MACROD2: variants seen among roughly 807,000 people sequenced by gnomAD.
The protein encoded by MACROD2 is mono-ADP ribosylhydrolase 2.
Under a neutral mutation model 70.4 loss-of-function variants are expected in MACROD2, and 36 were observed. That is an observed-to-expected ratio of 0.51 (90% CI 0.39 to 0.68). The LOEUF is 0.68. Ranked by LOEUF, MACROD2 falls within the 30% of genes least tolerant of loss-of-function variation. The pLI is 0.00. For synonymous variants in MACROD2, 172 were observed against 178.8 expected (o/e 0.96, Z 0.30); for missense variants, 496 against 538.4 (o/e 0.92, Z 0.78).
intron 4 of MACROD2, among the ~76,000 whole-genome samples, chr20:14,531,994 C>T (rs1056216486): frequency 7.2e-5 from 11 of 152,168 alleles, no homozygotes; most frequent in African/African-American, 2.7e-4. Flanking sequence ...TGTGTGGACA[C>T]ATTCCAATGA....
chr20:14,419,334 G>A (rs2083849222), intron 3 of MACROD2, among the ~76,000 whole-genome samples: 2 of 152,286 alleles, frequency 1.3e-5, no homozygotes, highest in South Asian at 2.1e-4. Context: ...GATTACAGGC[G>A]TGATCCACTA....
chr20:14,735,050 G>A (rs957775366), intron 5 of MACROD2, among the ~76,000 whole-genome samples: 3 of 152,100 alleles, frequency 2.0e-5, no homozygotes, highest in African/African-American at 7.2e-5. Flanking sequence ...AAAAATAGGA[G>A]TAAGTCTTCA....
intron 5 of MACROD2, among the ~76,000 whole-genome samples, chr20:14,769,577 T>C (rs565460269): frequency 1.1e-4 from 17 of 152,234 alleles, no homozygotes; most frequent in Admixed American, 3.9e-4. Flanking sequence ...TATCAAGTCC[T>C]TTACTGGGTT....
chr20:14,209,050 G>A (rs1208120058), intron 3 of MACROD2, among the ~76,000 whole-genome samples: 1 of 152,210 alleles, frequency 6.6e-6, no homozygotes, highest in Non-Finnish European at 1.5e-5. Flanking sequence ...TGGAGGAATT[G>A]AGTAAGGATT....
At chr20:14,604,806 C>A (rs1982702478) in intron 4 of MACROD2, among the ~76,000 whole-genome samples, 1 of 152,102 alleles carries the variant, frequency 6.6e-6, no homozygotes, top group African/African-American at 2.4e-5. Flanking sequence ...CTTCCAAATT[C>A]TTTTTCTCGC....
At position 14,232,556 on chromosome 20, in the gene MACROD2, A is replaced by G. The variant is rs115679181; in HGVS notation, c.271+146828A>G. On this transcript the variant is annotated intron_variant, in intron 3 of 17. Transcript: ENST00000684519. ...GAGATGGCTTCTTTCCTTAAACCTCAGGAACCTACCTCCGCTAGCTCCCAG... is the reference window on the plus strand; with the variant it reads ...GAGATGGCTTCTTTCCTTAAACCTCGGGAACCTACCTCCGCTAGCTCCCAG... Among the ~76,000 whole-genome samples the G allele has an allele frequency of 9.8e-3, 1,489 of 152,336 alleles. 23 individuals are homozygous for G. Among genetic ancestry groups the G allele is most frequent in the African/African-American group, 0.034 (1,419 of 41,582 alleles).
At chr20:14,471,770 A>T (rs775417412) in intron 3 of MACROD2, among the ~76,000 whole-genome samples, 1 of 152,132 alleles carries the variant, frequency 6.6e-6, no homozygotes. Context: ...ATAGGAAACT[A>T]CCTTTAGGGG....
chr20:15,415,751 CT>C (rs1191376451), intron 6 of MACROD2, among the ~76,000 whole-genome samples: 4 of 152,202 alleles, frequency 2.6e-5, no homozygotes, highest in African/African-American at 9.7e-5. Flanking sequence ...TCCATTCCTC[CT>C]TCCATCTTTT....
At position 14,767,020 on chromosome 20, in the gene MACROD2, G is replaced by A. The variant is rs111721794; in HGVS notation, c.418+82061G>A. 7.0e-3 allele frequency among the ~76,000 whole-genome samples: 1,070 copies of A among 152,110 alleles called. 17 individuals carry two copies. Among genetic ancestry groups the A allele is most frequent in the African/African-American group, 0.024 (1,004 of 41,454 alleles). On this transcript the variant is annotated intron_variant, in intron 5 of 17. Transcript: ENST00000684519. Reference sequence around the variant, plus strand: ...TGGTTGGTCACACAGTTAGATGTGCGAACAAACATTCTCGTATAAGAGCAA... The same window carrying A: ...TGGTTGGTCACACAGTTAGATGTGCAAACAAACATTCTCGTATAAGAGCAA...
At chr20:15,575,179 TA>T (rs1311287143) in intron 8 of MACROD2, among the ~76,000 whole-genome samples, 1 of 152,216 alleles carries the variant, frequency 6.6e-6, no homozygotes, top group Admixed American at 6.5e-5. Context: ...TGTTTTGTTA[TA>T]TTTTTTTCTT....
chr20:15,264,624 T>A (rs1214429408), intron 6 of MACROD2, among the ~76,000 whole-genome samples: 2 of 152,130 alleles, frequency 1.3e-5, no homozygotes, highest in Non-Finnish European at 2.9e-5. Flanking sequence ...ACAAAGGATG[T>A]CTTATTCTGC....
intron 3 of MACROD2, among the ~76,000 whole-genome samples, chr20:14,267,688 C>A (rs1440210215): frequency 6.6e-6 from 1 of 152,014 alleles, no homozygotes; most frequent in African/African-American, 2.4e-5. Flanking sequence ...CTGATTATTG[C>A]TAAAAATGTT....
intron 8 of MACROD2, chr20:15,619,610 CCT>C: frequency 2.2e-6 from 1 of 452,510 alleles, no homozygotes; most frequent in Non-Finnish European, 4.0e-6. Flanking sequence ...TGCTTATTCT[CCT>C]ATTTGGCTTT....
chr20:14,630,323 G>T (rs1283327830), intron 4 of MACROD2, among the ~76,000 whole-genome samples: 1 of 152,148 alleles, frequency 6.6e-6, no homozygotes. Context: ...CATCTACACC[G>T]ATTTCTATAA....
intron 3 of MACROD2, among the ~76,000 whole-genome samples, chr20:14,172,764 T>C (rs2081233335): frequency 6.6e-6 from 1 of 152,206 alleles, no homozygotes; most frequent in Non-Finnish European, 1.5e-5. Flanking sequence ...GATTTATGCT[T>C]TAAGGAGGTT....
chr20:14,465,328 G>C (rs2084430919), intron 3 of MACROD2, among the ~76,000 whole-genome samples: 1 of 152,038 alleles, frequency 6.6e-6, no homozygotes, highest in Admixed American at 6.6e-5. Flanking sequence ...TTGGTTTAAA[G>C]TCTGTTTTGT....
intron 4 of MACROD2, among the ~76,000 whole-genome samples, chr20:14,519,130 A>G (rs945429044): frequency 1.3e-5 from 2 of 152,180 alleles, no homozygotes; most frequent in East Asian, 3.9e-4. Context: ...AAATTATAGC[A>G]ATGTGAAGTG....
intron 2 of MACROD2, among the ~76,000 whole-genome samples, chr20:14,084,368 G>C (rs2054048951): frequency 6.6e-6 from 1 of 152,074 alleles, no homozygotes; most frequent in Non-Finnish European, 1.5e-5. Context: ...TTAAAAATGA[G>C]AGTGTCTCAG....
intron 15 of MACROD2, among the ~76,000 whole-genome samples, chr20:16,017,011 A>G (rs2066938725): frequency 6.6e-6 from 1 of 152,196 alleles, no homozygotes; most frequent in South Asian, 2.1e-4. Flanking sequence ...AATGATTGTC[A>G]TCACTTTGTA....
Sources: allele counts gnomAD v4.1 joint callset (sites outside exome capture counted in the v4.1 genomes callset), GRCh38; gene constraint gnomAD v4.1.1; transcripts MANE v1.5; gene names NCBI Gene and HGNC (gene_info 2026-07-23, HGNC 2026-07-21).